ATRNL1: variants seen among roughly 807,000 people sequenced by gnomAD.
The protein encoded by ATRNL1 is attractin-like protein 1.
ATRNL1 carries 95 observed loss-of-function variants against 182.7 expected under a neutral mutation model. The observed-to-expected ratio is 0.52, with a 90% CI of 0.44 to 0.62. The LOEUF (loss-of-function observed/expected upper bound fraction) is 0.62, where lower values mean the gene tolerates loss of function less well. Ranked by LOEUF, ATRNL1 falls within the 20% of genes least tolerant of loss-of-function variation. ATRNL1 has a pLI of 0.00. For synonymous variants in ATRNL1, 576 were observed against 568.3 expected (o/e 1.01, Z -0.19); for missense variants, 1,471 against 1,679.5 (o/e 0.88, Z 2.17).
chr10:115,268,528 G>C (rs1011824131), intron 13 of ATRNL1, 84 bp downstream of exon 13: 3 of 935,736 alleles, frequency 3.2e-6, no homozygotes, highest in Non-Finnish European at 5.2e-6. Context: ...TAGCACTGTA[G>C]AAAAAAAGCA....
At chr10:115,209,564 T>G (rs868986557) in intron 8 of ATRNL1, among the ~76,000 whole-genome samples, 1 of 151,746 alleles carries the variant, frequency 6.6e-6, no homozygotes, top group Non-Finnish European at 1.5e-5. Context: ...AGTTAGTTCA[T>G]GTATTCATGC....
At chr10:115,749,612 T>C (rs1476058716) in intron 27 of ATRNL1, among the ~76,000 whole-genome samples, 1 of 151,944 alleles carries the variant, frequency 6.6e-6, no homozygotes, top group African/African-American at 2.4e-5. Context: ...TGATCTTTTA[T>C]AACTGTTATT....
chr10:115,255,648 G>C (rs1468728616), intron 10 of ATRNL1, among the ~76,000 whole-genome samples: 2 of 152,190 alleles, frequency 1.3e-5, no homozygotes, highest in South Asian at 4.2e-4. Context: ...TTGCTTGATT[G>C]CCCTGGCCAG....
At chr10:115,468,958 GCACTTAATCAGTGGTAGCATT>G in intron 23 of ATRNL1, among the ~76,000 whole-genome samples, 193 bp from the exon 24 acceptor site, 1 of 150,704 alleles carries the variant, frequency 6.6e-6, no homozygotes, top group African/African-American at 2.4e-5. Flanking sequence ...CTAGTACATA[GCACTTAATCAGTGGTAGCATT>G]TTTAAAAATA....
intron 19 of ATRNL1, among the ~76,000 whole-genome samples, chr10:115,391,401 A>G (rs890121536): frequency 2.6e-5 from 4 of 152,104 alleles, no homozygotes; most frequent in African/African-American, 9.7e-5. Flanking sequence ...ATGGGTCTGG[A>G]TTCTGATACT....
chr10:115,120,971 G>T (rs1844701474), intron 2 of ATRNL1, among the ~76,000 whole-genome samples: 1 of 151,978 alleles, frequency 6.6e-6, no homozygotes, highest in Non-Finnish European at 1.5e-5. Context: ...TAAGAATAGT[G>T]GCTTCTTGAG....
chr10:115,658,256 T>C (rs1469365600), intron 26 of ATRNL1, among the ~76,000 whole-genome samples: 1 of 151,596 alleles, frequency 6.6e-6, no homozygotes, highest in East Asian at 1.9e-4. Context: ...CCACCATGCC[T>C]GGCTAATTTT....
intron 19 of ATRNL1, among the ~76,000 whole-genome samples, chr10:115,362,308 TAAA>T (rs1564954599): frequency 6.6e-6 from 1 of 152,040 alleles, no homozygotes; most frequent in East Asian, 1.9e-4. Context: ...AAATGTAAGT[TAAA>T]AAATAGAATG....
At chr10:115,365,872 T>C (rs1227487619) in intron 19 of ATRNL1, among the ~76,000 whole-genome samples, 1 of 152,194 alleles carries the variant, frequency 6.6e-6, no homozygotes, top group Admixed American at 6.5e-5. Flanking sequence ...TTGATTGCAC[T>C]GTGGTCTGAG....
Position 115,640,726 on chromosome 10 carries a change from C to G in ATRNL1, c.3796-86522C>G, listed in dbSNP as rs1207523165. The stretch of plus-strand genomic sequence containing the variant: ...AATTTTCTTCCATTCTGTAGGTTGC[C>G]TGTTCGCTGATGATAATTTCTTTTG... On this transcript the variant is annotated intron_variant, in intron 26 of 28. Coordinates refer to ENST00000355044, the MANE Select transcript of ATRNL1 (RefSeq NM_207303.4). Among the ~76,000 whole-genome samples, 3 of 152,142 alleles carry G rather than the reference C, an allele frequency of 2.0e-5. No homozygotes were observed. The East Asian group carries it at 5.8e-4, about 29-fold the overall frequency.
chr10:115,228,599 A>C (rs994437409), intron 9 of ATRNL1, among the ~76,000 whole-genome samples: 3 of 152,080 alleles, frequency 2.0e-5, no homozygotes, highest in Non-Finnish European at 2.9e-5. Context: ...TCTTTTCTTC[A>C]ATTGTTGTAT....
chr10:115,543,035 G>A (rs1852448707), intron 25 of ATRNL1, among the ~76,000 whole-genome samples: 1 of 152,124 alleles, frequency 6.6e-6, no homozygotes. Flanking sequence ...GGGGGGTTAG[G>A]GCTTTAACAT....
intron 24 of ATRNL1, among the ~76,000 whole-genome samples, chr10:115,482,753 A>T (rs781912015): frequency 6.6e-6 from 1 of 151,210 alleles, no homozygotes; most frequent in Non-Finnish European, 1.5e-5. Context: ...GAGAATTGTA[A>T]AGTAGAATCC....
At chr10:115,672,510 G>T (rs74158234) in intron 26 of ATRNL1, among the ~76,000 whole-genome samples, 1,751 of 152,140 alleles carry the variant, frequency 0.012, 35 homozygotes, top group African/African-American at 0.04. Context: ...AAAACATTTC[G>T]ACTGGTGCAA....
intron 9 of ATRNL1, among the ~76,000 whole-genome samples, chr10:115,219,037 C>T (rs555736154): frequency 5.3e-4 from 81 of 152,132 alleles, no homozygotes; most frequent in Non-Finnish European, 7.2e-4. Flanking sequence ...GAGTTTGAGA[C>T]CAGCCTGGCC....
At chr10:115,104,800 C>T (rs965635487) in intron 1 of ATRNL1, among the ~76,000 whole-genome samples, 1 of 152,160 alleles carries the variant, frequency 6.6e-6, no homozygotes, top group African/African-American at 2.4e-5. Flanking sequence ...ATTGAGGAGA[C>T]TGTTACTTCC....
intron 19 of ATRNL1, among the ~76,000 whole-genome samples, chr10:115,346,550 A>G (rs1478924690): frequency 1.3e-5 from 2 of 152,044 alleles, no homozygotes; most frequent in African/African-American, 2.4e-5. Context: ...TTATCTATCT[A>G]TTTATTCATT....
At chr10:115,637,397 A>T (rs868989211) in intron 26 of ATRNL1, among the ~76,000 whole-genome samples, 2 of 152,144 alleles carry the variant, frequency 1.3e-5, no homozygotes, top group Middle Eastern at 3.4e-3. Context: ...TAGTTTTTTT[A>T]AAAAAACTTT....
intron 19 of ATRNL1, among the ~76,000 whole-genome samples, chr10:115,378,889 C>G (rs1380538677): frequency 2.0e-5 from 3 of 152,232 alleles, no homozygotes; most frequent in Middle Eastern, 3.4e-3. Flanking sequence ...ATCCTAACCT[C>G]TAGGGGTTGT....
Sources: gnomAD v4.1 joint callset for allele counts (sites outside exome capture counted in the v4.1 genomes callset) on GRCh38, gnomAD v4.1.1 for gene constraint, MANE v1.5 for transcripts, NCBI Gene and HGNC (gene_info 2026-07-23, HGNC 2026-07-21) for gene names.